CFTR: variants seen among roughly 807,000 people sequenced by gnomAD.
CFTR encodes CF transmembrane conductance regulator.
CFTR carries 181 observed loss-of-function variants against 171.6 expected under a neutral mutation model. The observed-to-expected ratio is 1.05, with a 90% CI of 0.93 to 1.19. The LOEUF (loss-of-function observed/expected upper bound fraction) is 1.19, where lower values mean the gene tolerates loss of function less well. Among genes scored for constraint, CFTR ranks in the 50% most tolerant of loss-of-function variants. CFTR has a pLI of 0.00. For synonymous variants in CFTR, 583 were observed against 608.0 expected, an observed-to-expected ratio of 0.96 and a Z score of 0.60; for missense variants, 1,968 against 1,734.7, an observed-to-expected ratio of 1.13 and a Z score of -2.39.
chr7:117,534,671 C>A (rs1230138831), intron 5 of CFTR, among the ~76,000 whole-genome samples: 1 of 152,114 alleles, frequency 6.6e-6, no homozygotes, highest in Admixed American at 6.6e-5. Flanking sequence ...AGATATGATA[C>A]CTGAGCAATT....
At chr7:117,490,524 T>C (rs1156702044) in intron 1 of CFTR, among the ~76,000 whole-genome samples, 1 of 152,016 alleles carries the variant, frequency 6.6e-6, no homozygotes, top group East Asian at 1.9e-4. Context: ...TTTTGTTCTA[T>C]ACAGGCCTTC....
At position 117,652,895 on chromosome 7, in the gene CFTR, G is replaced by A; in HGVS notation, c.3927G>A (p.Gln1309=). 6.2e-7 allele frequency: 1 copy of A among 1,606,390 alleles called. No individual in the cohort carries two copies. The highest frequency in any genetic ancestry group is 8.5e-7 in the Non-Finnish European group (1 of 1,173,940). The change falls in exon 24 of 27, where the codon CAG becomes CAA. Residue 1309 remains glutamine, a synonymous_variant. Coordinates refer to ENST00000003084, the MANE Select transcript of CFTR (RefSeq NM_000492.4). The stretch of plus-strand genomic sequence containing the variant: ...GAAAAAACTTGGATCCCTATGAACA[G>A]TGGAGTGATCAAGAAATATGGAAAG... ...TFRKNLDPYE[Q]WSDQEIWKVA...
Position 117,592,020 on chromosome 7 carries a change from T to C in CFTR, c.1853T>C (p.Ile618Thr), listed in dbSNP as rs139468767. 1.9e-5 allele frequency: 31 copies of C among 1,593,202 alleles called. No homozygotes were observed. The African/African-American group carries it at 3.8e-4, about 20-fold the overall frequency. The change falls in exon 14 of 27, where the codon ATT (isoleucine) becomes ACT (threonine). Residue 618 changes from isoleucine (I) to threonine (T), a missense_variant. Physicochemically the swap from Ile to Thr is moderately conservative, Grantham distance 89. Coordinates refer to ENST00000003084, the MANE Select transcript of CFTR (RefSeq NM_000492.4). ...EHLKKADKIL[I>T]LHEGSSYFYG... ...TTAAAGAAAGCTGACAAAATATTAA[T>C]TTTGCATGAAGGTAGCAGCTATTTT...
At chr7:117,635,504 C>T (rs1020570174) in intron 22 of CFTR, among the ~76,000 whole-genome samples, 2 of 152,022 alleles carry the variant, frequency 1.3e-5, no homozygotes, top group African/African-American at 4.8e-5. Context: ...GTCTGTTACA[C>T]TACTTGTTCT....
intron 11 of CFTR, among the ~76,000 whole-genome samples, chr7:117,578,347 G>A (rs1562903897): frequency 6.6e-6 from 1 of 151,902 alleles, no homozygotes; most frequent in African/African-American, 2.4e-5. Context: ...TTTTCCCCAT[G>A]GTTTTCTTAA....
intron 2 of CFTR, among the ~76,000 whole-genome samples, chr7:117,507,467 T>C (rs578223445): frequency 6.6e-6 from 1 of 152,322 alleles, no homozygotes; most frequent in East Asian, 1.9e-4. Flanking sequence ...CTTTTTCACA[T>C]TGAACCCATT....
chr7:117,495,996 A>C lies in CFTR; in HGVS notation c.54-8257A>C, dbSNP rs576557842. Among the ~76,000 whole-genome samples the C allele has an allele frequency of 2.6e-5, 4 of 152,288 alleles. No homozygotes were observed. In the South Asian group the frequency reaches 8.3e-4, roughly 32 times the overall value. On this transcript the variant is annotated intron_variant, in intron 1 of 26. Transcript: ENST00000003084. The stretch of plus-strand genomic sequence containing the variant: ...TTAGAACACTTTCATCACTGTAAAA[A>C]GAAACTCCATTCCTATTAGCAGTCA...
chr7:117,649,269 A>G (rs1584841101), intron 23 of CFTR, among the ~76,000 whole-genome samples: 1 of 149,486 alleles, frequency 6.7e-6, no homozygotes, highest in East Asian at 1.9e-4. Context: ...TAATAGAATT[A>G]TACATGGGAT....
rs121909042 is a variant in CFTR, at chr7:117,652,875, A to T, written c.3907A>T (p.Asn1303Tyr). The T allele has an allele frequency of 6.3e-7, 1 of 1,596,746 alleles. No homozygotes were observed. Among genetic ancestry groups the T allele is most frequent in the South Asian group, 1.1e-5 (1 of 90,062 alleles). Residue 1303 changes from asparagine (N) to tyrosine (Y), a missense_variant, in exon 24 of 27, where the codon AAC becomes TAC. By Grantham distance (143) the Asn-to-Tyr change is moderately radical (BLOSUM62 -2). Transcript: ENST00000003084. ...TATTTTTTCTGGAACATTTAGAAAA[A>T]ACTTGGATCCCTATGAACAGTGGAG... ...VFIFSGTFRK[N>Y]LDPYEQWSDQ...
intron 11 of CFTR, among the ~76,000 whole-genome samples, chr7:117,563,956 A>G (rs1196759152): frequency 6.6e-6 from 1 of 152,182 alleles, no homozygotes; most frequent in African/African-American, 2.4e-5. Flanking sequence ...TAATGGATGT[A>G]ATGAATTTTA....
Position 117,594,931 on chromosome 7 carries a change from A to G in CFTR, c.2492A>G (p.Glu831Gly), listed in dbSNP as rs373264826. Residue 831 changes from glutamate to glycine, a missense_variant and splice_region_variant, in exon 15 of 27, where the codon GAG becomes GGG. Glu to Gly is a moderately conservative substitution (Grantham distance 98). Coordinates refer to ENST00000003084, the MANE Select transcript of CFTR (RefSeq NM_000492.4). ...SEEINEEDLK[E>G]CFFDDMESIP... ...AATAGCCATAATTCTTTTATTCAGG[A>G]GTGCTTTTTTGATGATATGGAGAGC... 3.1e-6 allele frequency: 5 copies of G among 1,612,850 alleles called. No homozygotes were observed. Among genetic ancestry groups the G allele is most frequent in the Non-Finnish European group, 4.2e-6 (5 of 1,179,238 alleles).
chr7:117,665,225 G>A (rs1212424657), intron 25 of CFTR, among the ~76,000 whole-genome samples: 1 of 152,136 alleles, frequency 6.6e-6, no homozygotes, highest in Admixed American at 6.5e-5. Flanking sequence ...AATGAAAAAT[G>A]TACTCATTTA....
At chr7:117,599,493 A>T (rs1041158590) in intron 15 of CFTR, among the ~76,000 whole-genome samples, 4 of 152,272 alleles carry the variant, frequency 2.6e-5, no homozygotes, top group African/African-American at 9.6e-5. Context: ...TATAAATACC[A>T]TATAAATATC....
At chr7:117,507,370 A>G (rs1323689523) in intron 2 of CFTR, among the ~76,000 whole-genome samples, 1 of 152,226 alleles carries the variant, frequency 6.6e-6, no homozygotes, top group Non-Finnish European at 1.5e-5. Flanking sequence ...GGTTTCCACC[A>G]TGTTCCTAAA....
At chr7:117,602,890 G>T in intron 16 of CFTR, 27 bp downstream of exon 16, 1 of 1,594,434 alleles carries the variant, frequency 6.3e-7, no homozygotes, top group Non-Finnish European at 8.6e-7. Flanking sequence ...CTATTGTGTA[G>T]ATTGTGTTTT....
intron 20 of CFTR, among the ~76,000 whole-genome samples, chr7:117,612,730 G>A (rs1020607329): frequency 2.6e-5 from 4 of 151,870 alleles, no homozygotes; most frequent in South Asian, 4.2e-4. Context: ...GGTGCCATTC[G>A]ACTCTTAAAG....
intron 1 of CFTR, among the ~76,000 whole-genome samples, chr7:117,500,278 C>CTTTTT (rs745627454): frequency 0.013 from 985 of 76,138 alleles, no homozygotes; most frequent in East Asian, 0.016. Flanking sequence ...TTCTTCCTTT[C>CTTTTT]TTTTTTTTTT....
chr7:117,591,411 C>T (rs1792021699), intron 13 of CFTR, among the ~76,000 whole-genome samples: 2 of 151,896 alleles, frequency 1.3e-5, no homozygotes, highest in Non-Finnish European at 2.9e-5. Context: ...AATTAATTAT[C>T]GAATTCTCAG....
chr7:117,538,714 T>C (rs575066047), intron 7 of CFTR, among the ~76,000 whole-genome samples: 1 of 150,716 alleles, frequency 6.6e-6, no homozygotes, highest in Non-Finnish European at 1.5e-5. Context: ...AGGTAGATTC[T>C]GTAAAGTTAG....
Sources: gnomAD v4.1 joint callset for allele counts (sites outside exome capture counted in the v4.1 genomes callset) on GRCh38, gnomAD v4.1.1 for gene constraint, MANE v1.5 for transcripts, NCBI Gene and HGNC (gene_info 2026-07-23, HGNC 2026-07-21) for gene names.